TH: variants seen among roughly 807,000 people sequenced by gnomAD.
TH encodes the protein tyrosine 3-monooxygenase.
Under a neutral mutation model 57.4 loss-of-function variants are expected in TH, and 49 were observed. That is an observed-to-expected ratio of 0.85 (90% CI 0.68 to 1.08). TH has a LOEUF of 1.08. Ranked by LOEUF, TH falls within the 50% of genes least tolerant of loss-of-function variation. The pLI, the probability that TH is intolerant of heterozygous loss-of-function variation, is 0.00. For synonymous variants in TH, 330 were observed against 304.5 expected, an observed-to-expected ratio of 1.08 and a Z score of -0.87; for missense variants, 720 against 696.7, an observed-to-expected ratio of 1.03 and a Z score of -0.38.
rs1224484318 is a variant in TH at position 2,168,671 on chromosome 11, G to A, written c.313-6C>T. The stretch of plus-strand genomic sequence containing the variant: ...TGGATTTTGGCTTCAAACGTCTTAG[G>A]GAGCAAAAGCAGGAAGAGAGAGAGA... On this transcript the variant is annotated splice_polypyrimidine_tract_variant and splice_region_variant and intron_variant, in intron 2 of 12. Transcript: ENST00000352909. The A allele has an allele frequency of 7.1e-7, 1 of 1,400,712 alleles. No homozygotes were observed. The highest frequency in any genetic ancestry group is 4.0e-5 in the East Asian group (1 of 25,142). 86.8% of individuals were successfully genotyped at this position (1,400,712 alleles called of 1,614,324 possible). A position where few individuals can be genotyped will look rare whatever the true frequency, so the allele number is the denominator to read the frequency against.
At chr11:2,167,977 TG>T in intron 4 of TH, 44 bp from the exon 5 acceptor site, 5 of 1,608,864 alleles carry the variant, frequency 3.1e-6, no homozygotes, top group African/African-American at 1.3e-5. Context: ...TGTGCTGGGG[TG>T]GGGGCACAGG....
chr11:2,167,891 C>G lies in TH; in HGVS notation c.619G>C (p.Ala207Pro). ...QVYRQRRKLI[A>P]EIAFQYRHGD... is the part of the protein sequence containing the mutation. Reference sequence around the variant, plus strand: ...TGCCTGTACTGGAAGGCGATCTCAGCAATCAGCTTCCTGCGCTGGCGGTAC... The same window carrying G: ...TGCCTGTACTGGAAGGCGATCTCAGGAATCAGCTTCCTGCGCTGGCGGTAC... Residue 207 changes from alanine to proline, a missense_variant, in exon 5 of 13, where the codon GCT becomes CCT. Physicochemically the swap from Ala to Pro is conservative, Grantham distance 27 (BLOSUM62 -1). Coordinates refer to ENST00000352909, the MANE Select transcript of TH (RefSeq NM_000360.4). 1 of 1,610,134 alleles carries G rather than the reference C, an allele frequency of 6.2e-7. No individual in the cohort carries two copies. Among genetic ancestry groups the G allele is most frequent in the Non-Finnish European group, 8.5e-7 (1 of 1,178,750 alleles).
In TH at chr11:2,165,991, G is replaced by T. The variant is rs1368988481; in HGVS notation, c.1104+11C>A. ...CCACACCCCAGGCCCTGCAGGGAGGGGTCAACCCACCGTGGACAGCTTCTC... is the reference window on the plus strand; with the variant it reads ...CCACACCCCAGGCCCTGCAGGGAGGTGTCAACCCACCGTGGACAGCTTCTC... On this transcript the variant is annotated intron_variant, in intron 10 of 12. Coordinates refer to ENST00000352909, the MANE Select transcript of TH (RefSeq NM_000360.4). 6.4e-7 allele frequency: 1 copy of T among 1,559,832 alleles called. No individual in the cohort carries two copies. Among genetic ancestry groups the T allele is most frequent in the African/African-American group, 1.4e-5 (1 of 73,938 alleles).
chr11:2,164,596 C>A (rs1409661027), intron 12 of TH, among the ~76,000 whole-genome samples: 1 of 152,110 alleles, frequency 6.6e-6, no homozygotes, highest in Non-Finnish European at 1.5e-5. Context: ...GGCTAGGCGC[C>A]TTTTCCACTA....
chr11:2,169,176 G>A (rs915859359), intron 2 of TH, among the ~76,000 whole-genome samples: 11 of 152,102 alleles, frequency 7.2e-5, no homozygotes, highest in Non-Finnish European at 1.3e-4. Flanking sequence ...GAGCTGGGGG[G>A]CGGGGAGTCT....
In TH at chr11:2,171,640, G is replaced by T; in HGVS notation, c.90+57C>A. The stretch of plus-strand genomic sequence containing the variant: ...GGCTGGGGAGTAGCAGAGGCAGCTG[G>T]CACCAGCCCTGGGCTCCGGTCCACT... On this transcript the variant is annotated intron_variant, in intron 1 of 12. Transcript: ENST00000352909. The surrounding 1 kb of genome is among the most constrained non-coding windows in gnomAD (Gnocchi z 8.6). 1 of 1,578,064 alleles carries T rather than the reference G, an allele frequency of 6.3e-7. No individual in the cohort carries two copies.
chr11:2,167,777 G>T, intron 5 of TH, 89 bp downstream of exon 5: 1 of 1,439,952 alleles, frequency 6.9e-7, no homozygotes, highest in Admixed American at 2.0e-5. Context: ...GACAAGATGG[G>T]TCCTCCCCTT....
chr11:2,167,401 T>C, intron 6 of TH, 34 bp downstream of exon 6: 1 of 1,551,998 alleles, frequency 6.4e-7, no homozygotes, highest in South Asian at 1.2e-5. Context: ...TCCCCCGGGC[T>C]CCTCCCCAGC....
chr11:2,170,712 G>A lies in TH; in HGVS notation c.91-841C>T. 1 of 1,605,808 alleles carries A rather than the reference G, an allele frequency of 6.2e-7. No homozygotes were observed. Among genetic ancestry groups the A allele is most frequent in the Non-Finnish European group, 8.5e-7 (1 of 1,177,888 alleles). Reference sequence around the variant, plus strand: ...TACCCTTGGGGTGGGGGTGTAGGATGCAGCTGGGGCTGCAGTTCCAGGCCA... The same window carrying A: ...TACCCTTGGGGTGGGGGTGTAGGATACAGCTGGGGCTGCAGTTCCAGGCCA... On this transcript the variant is annotated intron_variant, in intron 1 of 12. Coordinates refer to ENST00000352909, the MANE Select transcript of TH (RefSeq NM_000360.4). The surrounding 1 kb of genome is among the most constrained non-coding windows in gnomAD (Gnocchi z 6.0).
chr11:2,165,492 C>T (rs1285286515), intron 11 of TH, 127 bp from the exon 12 acceptor site: 12 of 1,477,158 alleles, frequency 8.1e-6, no homozygotes, highest in East Asian at 7.0e-5. Flanking sequence ...GCCGGGCCTT[C>T]GGAGGCCTGG....
Position 2,167,498 on chromosome 11 carries a change from C to A in TH, c.645-13G>T. 4 of 1,555,544 alleles carry A rather than the reference C, an allele frequency of 2.6e-6. No individual in the cohort carries two copies. Among genetic ancestry groups the A allele is most frequent in the Non-Finnish European group, 3.5e-6 (4 of 1,149,652 alleles). ...AATCGGGTCGCCGCTGGGGAGGGGG[C>A]CAGTGGTCAGCAGGTCCCCTCGGGG... On this transcript the variant is annotated splice_polypyrimidine_tract_variant and intron_variant, in intron 5 of 12. Coordinates refer to ENST00000352909, the MANE Select transcript of TH (RefSeq NM_000360.4).
intron 3 of TH, 135 bp downstream of exon 3, chr11:2,168,356 G>T (rs1286185140): frequency 8.7e-6 from 12 of 1,381,838 alleles, no homozygotes; most frequent in Admixed American, 1.9e-5. Flanking sequence ...TAGCAAAACG[G>T]GGTGCGGAGT....
Position 2,170,149 on chromosome 11 carries a change from C to G in TH, c.91-278G>C, listed in dbSNP as rs982278234. On this transcript the variant is annotated intron_variant, in intron 1 of 12. Transcript: ENST00000352909. The surrounding 1 kb of genome is among the most constrained non-coding windows in gnomAD (Gnocchi z 6.0). The stretch of plus-strand genomic sequence containing the variant: ...TGCTCGCCTGCTCCCCACTCTGTGG[C>G]GAGCAGACAGACAGAGACGCTGTGT... 6.6e-6 allele frequency among the ~76,000 whole-genome samples: 1 copy of G among 152,142 alleles called. No individual in the cohort carries two copies. Among genetic ancestry groups the G allele is most frequent in the Non-Finnish European group, 1.5e-5 (1 of 68,004 alleles).
intron 5 of TH, 59 bp downstream of exon 5, chr11:2,167,807 C>G (rs1846140186): frequency 1.3e-6 from 2 of 1,545,922 alleles, no homozygotes; most frequent in African/African-American, 1.4e-5. Flanking sequence ...CTCCCACCCC[C>G]CAGGTCCAGC....
Position 2,171,713 on chromosome 11 carries a change from T to G in TH, c.74A>C (p.Gln25Pro). 6.2e-7 allele frequency: 1 copy of G among 1,612,578 alleles called. No homozygotes were observed. The highest frequency in any genetic ancestry group is 8.5e-7 in the Non-Finnish European group (1 of 1,179,830). Residue 25 changes from glutamine (Q) to proline (P), a missense_variant, in exon 1 of 13, where the codon CAG becomes CCG. By Grantham distance (76) the Gln-to-Pro change is moderately conservative. Coordinates refer to ENST00000352909, the MANE Select transcript of TH (RefSeq NM_000360.4). This position sits in a 1 kb window ranked among gnomAD's most constrained non-coding sequence, Gnocchi z 8.6. ...CCCTCTTACCATGATGGCCTCTGCC[T>G]GCTTGGCGTCCAGCTCAGACACGGC... ...RRAVSELDAKQAEAIMSPRFI... is the reference protein window; with the variant it reads ...RRAVSELDAKPAEAIMSPRFI...
chr11:2,166,852 C>G (rs371216251), intron 7 of TH, 35 bp downstream of exon 7: 40 of 1,588,040 alleles, frequency 2.5e-5, no homozygotes, highest in Middle Eastern at 1.7e-4. Flanking sequence ...CCATCCCCGG[C>G]CCCCCGGCTC....
chr11:2,168,111 C>T lies in TH; in HGVS notation c.556G>A (p.Asp186Asn). ...CHHLVTKFDP[D>N]LDLDHPGFSD... is the part of the protein sequence containing the mutation. ...CTCACCGGGTGGTCCAAGTCCAGGT[C>T]AGGGTCGAACTTGGTGACCAGGTGA... The change falls in exon 4 of 13, where the codon GAC becomes AAC. Residue 186 changes from aspartate (D) to asparagine (N), a missense_variant. Physicochemically the swap from Asp to Asn is conservative, Grantham distance 23 (BLOSUM62 1). Transcript: ENST00000352909. 1 of 1,613,548 alleles carries T rather than the reference C, an allele frequency of 6.2e-7. No homozygotes were observed. Among genetic ancestry groups the T allele is most frequent in the Non-Finnish European group, 8.5e-7 (1 of 1,180,018 alleles).
rs1846174346 is a variant in TH at position 2,168,805 on chromosome 11, T to A, written c.313-140A>T. ...GACTTTTGTGCTAGCAGCACACAGATCCCGTTCTTCCAGGCTCAGGTCAGC... is the reference window on the plus strand; with the variant it reads ...GACTTTTGTGCTAGCAGCACACAGAACCCGTTCTTCCAGGCTCAGGTCAGC... On this transcript the variant is annotated intron_variant, in intron 2 of 12. Transcript: ENST00000352909. The A allele has an allele frequency of 1.3e-5, 14 of 1,056,592 alleles. No homozygotes were observed. The South Asian group carries it at 1.7e-4, about 13-fold the overall frequency. The allele number at this position is 1,056,592 out of a possible 1,614,324, so 65.5% of individuals were successfully genotyped here.
intron 10 of TH, 108 bp from the exon 11 acceptor site, chr11:2,165,871 C>T: frequency 1.3e-5 from 19 of 1,501,368 alleles, no homozygotes; most frequent in Non-Finnish European, 1.7e-5. Context: ...GGCCAGGATG[C>T]AGGCAGGCCA....
Sources: gnomAD v4.1 joint callset for allele counts (sites outside exome capture counted in the v4.1 genomes callset) on GRCh38, gnomAD v4.1.1 for gene constraint, Gnocchi (gnomAD v3.1) non-coding constraint, MANE v1.5 for transcripts, NCBI Gene and HGNC (gene_info 2026-07-23, HGNC 2026-07-21) for gene names.